LIMD1: variants seen among roughly 807,000 people sequenced by gnomAD.
The protein encoded by LIMD1 is LIM domain-containing protein 1.
Under a neutral mutation model 58.4 loss-of-function variants are expected in LIMD1, and 23 were observed. That is an observed-to-expected ratio of 0.39 (90% CI 0.28 to 0.56). LIMD1 has a LOEUF of 0.56. Ranked by LOEUF, LIMD1 falls within the 20% of genes least tolerant of loss-of-function variation. The pLI, the probability that LIMD1 is intolerant of heterozygous loss-of-function variation, is 0.57. For missense variants in LIMD1, 838 were observed against 855.5 expected, an observed-to-expected ratio of 0.98 and a Z score of 0.25; for synonymous variants, 334 against 345.5, an observed-to-expected ratio of 0.97 and a Z score of 0.37.
intron 7 of LIMD1, 87 bp from the exon 8 acceptor site, chr3:45,676,835 T>G (rs7640969): frequency 0.29 from 374,777 of 1,274,936 alleles, 61,017 homozygotes; most frequent in East Asian, 0.59. Context: ...CACAGCACCC[T>G]CTGCTGATTT....
chr3:45,597,327 C>T (rs1701367912), intron 1 of LIMD1, among the ~76,000 whole-genome samples: 1 of 152,140 alleles, frequency 6.6e-6, no homozygotes, highest in African/African-American at 2.4e-5. Context: ...TGAGCCCTGC[C>T]GCACCATGTG....
At chr3:45,599,213 G>A (rs1559512108) in intron 1 of LIMD1, among the ~76,000 whole-genome samples, 1 of 151,930 alleles carries the variant, frequency 6.6e-6, no homozygotes. Flanking sequence ...ACAATTCAGT[G>A]GTGTTTAATA....
chr3:45,595,092 C>A lies in LIMD1; in HGVS notation c.213C>A (p.Pro71=), dbSNP rs1701329924. The change falls in exon 1 of 8, where the codon CCC becomes CCA. Residue 71 remains proline (P), a synonymous_variant. Coordinates refer to ENST00000273317, the MANE Select transcript of LIMD1 (RefSeq NM_014240.3). ...QQQLLQEETL[P]RGSRGPVNGG... Reference sequence around the variant, plus strand: ...AGCTCCTGCAGGAGGAGACTCTGCCCAGGGGGAGTAGAGGCCCTGTCAATG... The same window carrying A: ...AGCTCCTGCAGGAGGAGACTCTGCCAAGGGGGAGTAGAGGCCCTGTCAATG... 3.7e-6 allele frequency: 6 copies of A among 1,612,830 alleles called. No homozygotes were observed. Among genetic ancestry groups the A allele is most frequent in the South Asian group, 1.1e-5 (1 of 90,942 alleles).
intron 1 of LIMD1, among the ~76,000 whole-genome samples, chr3:45,610,046 G>A (rs1172298445): frequency 6.6e-6 from 1 of 152,168 alleles, no homozygotes; most frequent in African/African-American, 2.4e-5. Context: ...ACAAAAATTA[G>A]CTAGGCATGA....
rs922281053 is a variant in LIMD1 at position 45,632,610 on chromosome 3, A to C, written c.1409-3540A>C. 3 of 929,332 alleles carry C rather than the reference A, an allele frequency of 3.2e-6. No individual in the cohort carries two copies. In the African/African-American group the frequency reaches 5.3e-5, roughly 17 times the overall value. 57.6% of individuals were successfully genotyped at this position (929,332 alleles called of 1,614,324 possible). On this transcript the variant is annotated intron_variant, in intron 1 of 7. Transcript: ENST00000273317. ...AGGGAACTATGTGGAATGTGATTCA[A>C]CTCACACTTGTTTCCTTGAGCACTT...
rs1442476437 is a variant in LIMD1 at position 45,672,872 on chromosome 3, T to C, written c.1772+52T>C. ...CCCATTCGTGTAGGCCAAGCTGATCTCAGCAGAGTGAGTGGTGGAAACCGA... is the reference window on the plus strand; with the variant it reads ...CCCATTCGTGTAGGCCAAGCTGATCCCAGCAGAGTGAGTGGTGGAAACCGA... On this transcript the variant is annotated intron_variant, in intron 5 of 7. Transcript: ENST00000273317. 2.5e-6 allele frequency: 4 copies of C among 1,604,710 alleles called. No homozygotes were observed. The Admixed American group carries it at 6.7e-5, about 27-fold the overall frequency.
At chr3:45,635,975 TGAAA>T (rs1343891846) in intron 1 of LIMD1, 171 bp from the exon 2 acceptor site, 1 of 985,272 alleles carries the variant, frequency 1.0e-6, no homozygotes, top group African/African-American at 1.7e-5. Context: ...TTTCTGCAGT[TGAAA>T]GAGTGACAGA....
At chr3:45,666,402 C>T (rs915147036) in intron 3 of LIMD1, among the ~76,000 whole-genome samples, 1 of 152,150 alleles carries the variant, frequency 6.6e-6, no homozygotes, top group Non-Finnish European at 1.5e-5. Flanking sequence ...CATCAAGAGG[C>T]CTTATAGGGC....
chr3:45,603,637 G>T (rs1383802625), intron 1 of LIMD1, among the ~76,000 whole-genome samples: 6 of 152,178 alleles, frequency 3.9e-5, no homozygotes, highest in Non-Finnish European at 1.5e-5. Flanking sequence ...ATATGGGGAT[G>T]CCCAATCCTT....
At chr3:45,664,161 G>C (rs556939802) in intron 2 of LIMD1, among the ~76,000 whole-genome samples, 1 of 152,134 alleles carries the variant, frequency 6.6e-6, no homozygotes, top group South Asian at 2.1e-4. Context: ...TTGAGCCACT[G>C]TGCCCGGCCA....
At chr3:45,665,860 T>A (rs1239185303) in intron 3 of LIMD1, 143 bp downstream of exon 3, 3 of 728,648 alleles carry the variant, frequency 4.1e-6, no homozygotes, top group Non-Finnish European at 7.0e-6. Flanking sequence ...TACTTGGGGG[T>A]GGCCATGTTC....
chr3:45,607,086 G>T (rs567622054), intron 1 of LIMD1, among the ~76,000 whole-genome samples: 12 of 152,312 alleles, frequency 7.9e-5, no homozygotes, highest in African/African-American at 2.9e-4. Flanking sequence ...GAGCCACCAT[G>T]CCTGGCCTAT....
At chr3:45,635,194 C>A (rs902974276) in intron 1 of LIMD1, among the ~76,000 whole-genome samples, 1 of 152,110 alleles carries the variant, frequency 6.6e-6, no homozygotes, top group African/African-American at 2.4e-5. Context: ...GCCGAGATTG[C>A]ACCACTGCAC....
At chr3:45,635,843 G>A in intron 1 of LIMD1, 1 of 976,474 alleles carries the variant, frequency 1.0e-6, no homozygotes. Context: ...CTTACAAACA[G>A]TGGGAACCTT....
intron 2 of LIMD1, among the ~76,000 whole-genome samples, chr3:45,647,186 T>A (rs1285795251): frequency 3.9e-5 from 6 of 152,218 alleles, no homozygotes; most frequent in African/African-American, 9.7e-5. Context: ...GTATGTTTGC[T>A]TTTATGCCCT....
chr3:45,635,781 C>A, intron 1 of LIMD1: 1 of 430,342 alleles, frequency 2.3e-6, no homozygotes, highest in East Asian at 1.6e-4. Flanking sequence ...AAGAAATTTC[C>A]CAACCTGCAT....
intron 7 of LIMD1, among the ~76,000 whole-genome samples, chr3:45,675,697 A>T (rs1697657789): frequency 6.6e-6 from 1 of 151,364 alleles, no homozygotes; most frequent in Middle Eastern, 3.2e-3. Flanking sequence ...AACCGGTGAG[A>T]TTAATTATTT....
At position 45,684,644 on chromosome 3, in the gene LIMD1, A is replaced by G. The variant is rs2125673891; in HGVS notation, c.*7585A>G. 6.6e-6 allele frequency: 1 copy of G among 152,356 alleles called. No homozygotes were observed. Among genetic ancestry groups the G allele is most frequent in the South Asian group, 2.1e-4 (1 of 4,826 alleles). The allele number at this position is 152,356 out of a possible 1,614,324, so 9.4% of individuals were successfully genotyped here. On this transcript the variant is annotated 3_prime_UTR_variant, in exon 8 of 8. Coordinates refer to ENST00000273317, the MANE Select transcript of LIMD1 (RefSeq NM_014240.3). ...TGAAGAGGTGGTATTTGATTTACAT[A>G]GAGCCCAAGGGATTGGTTTGACCAG...
intron 1 of LIMD1, among the ~76,000 whole-genome samples, chr3:45,621,376 T>G (rs374464371): frequency 6.6e-6 from 1 of 152,092 alleles, no homozygotes; most frequent in Non-Finnish European, 1.5e-5. Context: ...TCTACAGGCA[T>G]GTACCACCAC....
Sources: gnomAD v4.1 joint callset for allele counts (sites outside exome capture counted in the v4.1 genomes callset) on GRCh38, gnomAD v4.1.1 for gene constraint, MANE v1.5 for transcripts, NCBI Gene and HGNC (gene_info 2026-07-23, HGNC 2026-07-21) for gene names.